The following MYO1D variants were observed in gnomAD, a reference collection of about 807,000 sequenced individuals.
MYO1D encodes myosin ID.
Under a neutral mutation model 122.0 loss-of-function variants are expected in MYO1D, and 83 were observed. The observed-to-expected ratio is 0.68, with a 90% CI of 0.57 to 0.82. The LOEUF is 0.82. Among genes scored for constraint, MYO1D ranks in the 40% least tolerant of loss-of-function variants. The probability of loss-of-function intolerance (pLI) is 0.00; values close to 1 mark genes in which losing one functional copy is unlikely to be tolerated. For synonymous variants in MYO1D, 464 were observed against 446.9 expected (o/e 1.04, Z -0.48); for missense variants, 1,157 against 1,269.5 (o/e 0.91, Z 1.35).
intron 16 of MYO1D, among the ~76,000 whole-genome samples, chr17:32,669,120 A>C (rs1036783196): frequency 4.6e-5 from 7 of 152,242 alleles, no homozygotes; most frequent in Admixed American, 2.6e-4. Flanking sequence ...TATGCCACCC[A>C]AAATTATGCC....
intron 16 of MYO1D, among the ~76,000 whole-genome samples, chr17:32,694,176 C>T (rs140076230): frequency 8.7e-4 from 132 of 152,284 alleles, no homozygotes; most frequent in African/African-American, 2.9e-3. Flanking sequence ...ATTACGGACA[C>T]CTTTTTGCTA....
At chr17:32,563,888 C>T (rs146475165) in intron 21 of MYO1D, among the ~76,000 whole-genome samples, 46 of 152,330 alleles carry the variant, frequency 3.0e-4, no homozygotes, top group African/African-American at 1.1e-3. Flanking sequence ...TCTTAAACCC[C>T]TTTTGATTCA....
chr17:32,629,962 T>C (rs1289592910), intron 20 of MYO1D, among the ~76,000 whole-genome samples: 1 of 152,192 alleles, frequency 6.6e-6, no homozygotes, highest in East Asian at 1.9e-4. Flanking sequence ...GGACAGTGGA[T>C]GGTGCAAGCC....
rs1567887071 is a variant in MYO1D, at chr17:32,552,423, T to TCCATCCATCCATCCATCCATCCATCCAC, written c.2864+52663_2864+52664insGTGGATGGATGGATGGATGGATGGATGG. 5.1e-3 allele frequency among the ~76,000 whole-genome samples: 595 copies of TCCATCCATCCATCCATCCATCCATCCAC among 116,220 alleles called. 3 individuals carry two copies. Among genetic ancestry groups the TCCATCCATCCATCCATCCATCCATCCAC allele is most frequent in the African/African-American group, 0.016 (421 of 26,344 alleles). 76.2% of individuals were successfully genotyped at this position (116,220 alleles called of 152,430 possible). A position where few individuals can be genotyped will look rare whatever the true frequency, so the allele number is the denominator to read the frequency against. On this transcript the variant is annotated intron_variant, in intron 21 of 21. Coordinates refer to ENST00000318217, the MANE Select transcript of MYO1D (RefSeq NM_015194.3). ...TGTAATCCATCCATCCATCCACCCA[T>TCCATCCATCCATCCATCCATCCATCCAC]CCATCCATCCATCCATCCATCCATC... is the stretch of plus-strand genomic sequence containing the variant.
intron 16 of MYO1D, among the ~76,000 whole-genome samples, chr17:32,694,368 C>T (rs567006123): frequency 1.2e-3 from 185 of 152,214 alleles, no homozygotes; most frequent in Non-Finnish European, 2.0e-3. Context: ...CACTTTTCAG[C>T]CATTATGGTG....
chr17:32,846,311 T>C (rs2090937109), intron 1 of MYO1D, among the ~76,000 whole-genome samples: 1 of 152,234 alleles, frequency 6.6e-6, no homozygotes, highest in Non-Finnish European at 1.5e-5. Context: ...AACCAAAAAG[T>C]GTATGTGTAT....
At chr17:32,783,025 C>T (rs1368507136) in intron 1 of MYO1D, among the ~76,000 whole-genome samples, 6 of 151,930 alleles carry the variant, frequency 3.9e-5, no homozygotes, top group African/African-American at 7.3e-5. Context: ...CAAAGACTCG[C>T]GAAAATAAGC....
At chr17:32,737,954 C>T (rs573689316) in intron 14 of MYO1D, among the ~76,000 whole-genome samples, 1 of 152,292 alleles carries the variant, frequency 6.6e-6, no homozygotes, top group East Asian at 1.9e-4. Flanking sequence ...CGCTAAAGTT[C>T]CTTTTGCTGG....
At position 32,560,556 on chromosome 17, in the gene MYO1D, T is replaced by TATATATATATATATAC. The variant is rs2087113135; in HGVS notation, c.2864+44530_2864+44531insGTATATATATATATAT. Among the ~76,000 whole-genome samples the TATATATATATATATAC allele has an allele frequency of 7.0e-5, 8 of 114,128 alleles. 2 individuals are homozygous for TATATATATATATATAC. The highest frequency in any genetic ancestry group is 2.6e-4 in the South Asian group (1 of 3,864). 74.9% of individuals were successfully genotyped at this position (114,128 alleles called of 152,430 possible). A position where few individuals can be genotyped will look rare whatever the true frequency, so the allele number is the denominator to read the frequency against. ...ATATATATATATATATATATATATA[T>TATATATATATATATAC]ATATATATATATATATATATAACTT... is the stretch of plus-strand genomic sequence containing the variant. On this transcript the variant is annotated intron_variant, in intron 21 of 21. Coordinates refer to ENST00000318217, the MANE Select transcript of MYO1D (RefSeq NM_015194.3).
intron 21 of MYO1D, among the ~76,000 whole-genome samples, chr17:32,521,417 C>T (rs541729559): frequency 6.6e-5 from 10 of 152,222 alleles, no homozygotes; most frequent in South Asian, 4.2e-4. Context: ...TGTAAATTCC[C>T]GCATAATCAG....
chr17:32,771,582 C>T (rs947316413), intron 5 of MYO1D, among the ~76,000 whole-genome samples: 2 of 152,122 alleles, frequency 1.3e-5, no homozygotes, highest in African/African-American at 4.8e-5. Context: ...ATAGTTCTGT[C>T]TCAGAATTTA....
chr17:32,664,465 AT>A, intron 16 of MYO1D, among the ~76,000 whole-genome samples: 1 of 152,338 alleles, frequency 6.6e-6, no homozygotes. Flanking sequence ...CTTAATACTT[AT>A]TTGCATATGG....
In MYO1D at chr17:32,712,564, T is replaced by C. The variant is rs978266963; in HGVS notation, c.1914-369A>G. Among the ~76,000 whole-genome samples the C allele has an allele frequency of 2.6e-5, 4 of 152,132 alleles. No individual in the cohort carries two copies. The East Asian group carries it at 5.8e-4, about 22-fold the overall frequency. Reference sequence around the variant, plus strand: ...CATTGCTCTGGAGGTCTAGTCGACATAGTGAGACCAAGACATAATTGGTAA... The same window carrying C: ...CATTGCTCTGGAGGTCTAGTCGACACAGTGAGACCAAGACATAATTGGTAA... On this transcript the variant is annotated intron_variant, in intron 15 of 21. Transcript: ENST00000318217.
chr17:32,670,381 A>C (rs1306375947), intron 16 of MYO1D, among the ~76,000 whole-genome samples: 1 of 152,214 alleles, frequency 6.6e-6, no homozygotes, highest in Non-Finnish European at 1.5e-5. Context: ...TTCCAAAACC[A>C]ATTGTATATA....
At chr17:32,733,637 G>A (rs913104907) in intron 14 of MYO1D, among the ~76,000 whole-genome samples, 3 of 152,120 alleles carry the variant, frequency 2.0e-5, no homozygotes, top group Admixed American at 6.5e-5. Flanking sequence ...ACTTTGGGCA[G>A]GCCCTGGGCT....
intron 21 of MYO1D, chr17:32,602,833 A>T (rs1181193719): frequency 2.0e-5 from 3 of 152,240 alleles, no homozygotes; most frequent in African/African-American, 7.2e-5. Flanking sequence ...GTGCCACAAC[A>T]TCATGCTTAT....
At chr17:32,701,842 C>G (rs1391926362) in intron 16 of MYO1D, among the ~76,000 whole-genome samples, 1 of 152,222 alleles carries the variant, frequency 6.6e-6, no homozygotes, top group South Asian at 2.1e-4. Flanking sequence ...GCTAGGATTA[C>G]AGGGGTGAAC....
At chr17:32,835,747 C>T (rs1411029364) in intron 1 of MYO1D, among the ~76,000 whole-genome samples, 1 of 152,154 alleles carries the variant, frequency 6.6e-6, no homozygotes. Flanking sequence ...ATCTCTTTAA[C>T]ACCTGGTCAT....
rs546155187 is a variant in MYO1D at position 32,646,458 on chromosome 17, T to C, written c.2595+7385A>G. Among the ~76,000 whole-genome samples the C allele has an allele frequency of 1.7e-4, 26 of 151,880 alleles. No homozygotes were observed. The Middle Eastern group carries it at 0.01, about 60-fold the overall frequency. On this transcript the variant is annotated intron_variant, in intron 19 of 21. Coordinates refer to ENST00000318217, the MANE Select transcript of MYO1D (RefSeq NM_015194.3). ...AAGACCCTCTCTGTAAAAATATATA[T>C]ATATATAAAAGAAAGGAAACAATAA...
Sources: allele counts gnomAD v4.1 joint callset (sites outside exome capture counted in the v4.1 genomes callset), GRCh38; gene constraint gnomAD v4.1.1; transcripts MANE v1.5; gene names NCBI Gene and HGNC (gene_info 2026-07-23, HGNC 2026-07-21).